Variants in RECQL4 observed in about 807,000 individuals in gnomAD.
RECQL4 encodes the protein ATP-dependent DNA helicase Q4.
In RECQL4, 158 loss-of-function variants were observed where a neutral mutation model predicts 128.6. That is an observed-to-expected ratio of 1.23 (90% CI 1.08 to 1.40). The LOEUF (loss-of-function observed/expected upper bound fraction) is 1.40. Ranked by LOEUF, RECQL4 falls within the 40% of genes most tolerant of loss-of-function variation. The pLI is 0.00. For synonymous variants in RECQL4, 996 were observed against 678.9 expected, an observed-to-expected ratio of 1.47 and a Z score of -7.26; for missense variants, 2,293 against 1,649.8, an observed-to-expected ratio of 1.39 and a Z score of -6.75.
chr8:144,517,535 C>T, intron 2 of RECQL4, 27 bp from the exon 3 acceptor site: 2 of 1,561,598 alleles, frequency 1.3e-6, no homozygotes, highest in East Asian at 2.4e-5. Flanking sequence ...GAGGCGGGGT[C>T]AGGGTGGGGC....
At chr8:144,514,384 G>A (rs749849762) in intron 10 of RECQL4, 22 bp from the exon 11 acceptor site, 23 of 1,599,536 alleles carry the variant, frequency 1.4e-5, no homozygotes, top group Non-Finnish European at 2.0e-5. Context: ...AAGATCAGAG[G>A]CACAGCCCAG....
Position 144,513,224 on chromosome 8 carries a change from C to G in RECQL4, c.2457G>C (p.Gln819His), listed in dbSNP as rs754819629. The change falls in exon 14 of 21, where the codon CAG becomes CAC. Residue 819 changes from glutamine (Q) to histidine (H), a missense_variant. Gln to His is a conservative substitution (Grantham distance 24). Transcript: ENST00000617875. ...GQPAHCHLFLQPQGEDLRELR... is the reference protein window; with the variant it reads ...GQPAHCHLFLHPQGEDLRELR... ...GGGGGGGGGGGGTGCCAACCTGGGG[C>G]TGCAGGAAGAGGTGGCAGTGGGCAG... 6.3e-7 allele frequency: 1 copy of G among 1,576,442 alleles called. No homozygotes were observed. Among genetic ancestry groups the G allele is most frequent in the Non-Finnish European group, 8.6e-7 (1 of 1,165,864 alleles).
chr8:144,513,224 C>A lies in RECQL4; in HGVS notation c.2457G>T (p.Gln819His). 1.9e-6 allele frequency: 3 copies of A among 1,576,438 alleles called. No homozygotes were observed. The highest frequency in any genetic ancestry group is 1.1e-5 in the South Asian group (1 of 89,278). Residue 819 changes from glutamine (Q) to histidine (H), a missense_variant, in exon 14 of 21, where the codon CAG (glutamine) becomes CAT (histidine). Transcript: ENST00000617875. ...GQPAHCHLFL[Q>H]PQGEDLRELR... The stretch of plus-strand genomic sequence containing the variant: ...GGGGGGGGGGGGTGCCAACCTGGGG[C>A]TGCAGGAAGAGGTGGCAGTGGGCAG...
rs374262706 is a variant in RECQL4, at chr8:144,513,658, T to C, written c.2113A>G (p.Ile705Val). ...GTGTCCTCGCGCCGGTTGCAGTAAA[T>C]GATAATGGAATCGAGGTTTTGAAAA... is the stretch of plus-strand genomic sequence containing the variant. ...KRFQNLDSII[I>V]YCNRREDTER... The change falls in exon 13 of 21, where the codon ATT becomes GTT. Residue 705 changes from isoleucine (I) to valine (V), a missense_variant. Physicochemically the swap from Ile to Val is conservative, Grantham distance 29 (BLOSUM62 3). Transcript: ENST00000617875. 7 of 1,567,882 alleles carry C rather than the reference T, an allele frequency of 4.5e-6. No individual in the cohort carries two copies. The African/African-American group carries it at 5.5e-5, about 12-fold the overall frequency.
At chr8:144,511,606 G>A in intron 20 of RECQL4, 51 bp from the exon 21 acceptor site, 1 of 1,607,778 alleles carries the variant, frequency 6.2e-7, no homozygotes, top group South Asian at 1.1e-5. Flanking sequence ...GCCTGCAGCG[G>A]GTGGAGCCTC....
Position 144,512,910 on chromosome 8 carries a change from T to G in RECQL4, c.2692A>C (p.Met898Leu). The G allele has an allele frequency of 1.3e-6, 2 of 1,587,530 alleles. No individual in the cohort carries two copies. Among genetic ancestry groups the G allele is most frequent in the East Asian group, 4.6e-5 (2 of 43,556 alleles). ...QAAPGPRRVC[M>L]GHERALPIQL... ...ATTGGGAGTGCCCGCTCATGGCCCA[T>G]GCAGACCCTTCTGGGTCCTGGGGCT... The change falls in exon 15 of 21, where the codon ATG becomes CTG. Residue 898 changes from methionine (M) to leucine (L), a missense_variant. Physicochemically the swap from Met to Leu is conservative, Grantham distance 15. Transcript: ENST00000617875.
intron 5 of RECQL4, 40 bp from the exon 6 acceptor site, chr8:144,515,930 T>C: frequency 6.2e-7 from 1 of 1,612,404 alleles, no homozygotes; most frequent in Non-Finnish European, 8.5e-7. Flanking sequence ...GGGCGGGAAA[T>C]ACGGGAGGGC....
Position 144,513,463 on chromosome 8 carries a change from TGG to T in RECQL4, c.2216_2217del (p.Thr739AsnfsTer69). The T allele has an allele frequency of 6.2e-7, 1 of 1,609,788 alleles. No individual in the cohort carries two copies. Among genetic ancestry groups the T allele is most frequent in the African/African-American group, 1.3e-5 (1 of 75,036 alleles). ...VPGSGGRAPKTTAEAYHAGMC... is the reference protein window; with the variant it reads ...VPGSGGRAPKXTAEAYHAGMC... ...ATGCCCGCGTGGTAGGCCTCGGCTGTGGTTTTGGGGGCACGACCTTTGGGGAA... is the reference window on the plus strand; with the variant it reads ...ATGCCCGCGTGGTAGGCCTCGGCTGTTTTTGGGGGCACGACCTTTGGGGAA... On this transcript the variant is annotated frameshift_variant, in exon 14 of 21. Coordinates refer to ENST00000617875, the MANE Select transcript of RECQL4 (RefSeq NM_004260.4). LOFTEE classifies it high-confidence loss of function.
At position 144,513,916 on chromosome 8, in the gene RECQL4, A is replaced by G. The variant is rs536891148; in HGVS notation, c.2058+12T>C. 4.5e-5 allele frequency: 67 copies of G among 1,490,754 alleles called. No individual in the cohort carries two copies. The highest frequency in any genetic ancestry group is 5.4e-5 in the Non-Finnish European group (60 of 1,114,602). The allele number at this position is 1,490,754 out of a possible 1,614,324, so 92.3% of individuals were successfully genotyped here. A position where few individuals can be genotyped will look rare whatever the true frequency, so the allele number is the denominator to read the frequency against. On this transcript the variant is annotated intron_variant, in intron 12 of 20. Transcript: ENST00000617875. ...CAGGGCCCTGCAGGGTCCCCAGAGC[A>G]CACACACCCACCTGGTCTGTGTCCC... is the stretch of plus-strand genomic sequence containing the variant.
intron 5 of RECQL4, 39 bp downstream of exon 5, chr8:144,515,949 G>C (rs771505880): frequency 6.2e-7 from 1 of 1,611,896 alleles, no homozygotes; most frequent in East Asian, 2.2e-5. Context: ...GCTGAGGGGA[G>C]GGAAAGGGAA....
chr8:144,513,643 G>A lies in RECQL4; in HGVS notation c.2128C>T (p.Arg710Cys), dbSNP rs750126506. 1.9e-5 allele frequency: 30 copies of A among 1,583,836 alleles called. No homozygotes were observed. Among genetic ancestry groups the A allele is most frequent in the African/African-American group, 5.4e-5 (4 of 74,310 alleles). The change falls in exon 13 of 21, where the codon CGC becomes TGC. Residue 710 changes from arginine to cysteine, a missense_variant. Arg to Cys is a radical substitution (Grantham distance 180). Coordinates refer to ENST00000617875, the MANE Select transcript of RECQL4 (RefSeq NM_004260.4). ...GCAGCGATCCGCTCTGTGTCCTCGC[G>A]CCGGTTGCAGTAAATGATAATGGAA... ...LDSIIIYCNRREDTERIAALL... is the reference protein window; with the variant it reads ...LDSIIIYCNRCEDTERIAALL...
chr8:144,517,739 G>C lies in RECQL4; in HGVS notation c.46C>G (p.Arg16Gly). ...DVRERLQAWE[R>G]AFRRQRGRRP... ...CGCCCGCGCTGCCGTCGGAACGCGCGCTCCCACGCCTGCAGCCGCTCCCGC... is the reference window on the plus strand; with the variant it reads ...CGCCCGCGCTGCCGTCGGAACGCGCCCTCCCACGCCTGCAGCCGCTCCCGC... Residue 16 changes from arginine (R) to glycine (G), a missense_variant, in exon 1 of 21, where the codon CGC becomes GGC. By Grantham distance (125) the Arg-to-Gly change is moderately radical. Coordinates refer to ENST00000617875, the MANE Select transcript of RECQL4 (RefSeq NM_004260.4). The C allele has an allele frequency of 7.4e-7, 1 of 1,347,612 alleles. No homozygotes were observed. Among genetic ancestry groups the C allele is most frequent in the African/African-American group, 1.5e-5 (1 of 65,182 alleles). 83.5% of individuals were successfully genotyped at this position (1,347,612 alleles called of 1,614,324 possible).
In RECQL4 at chr8:144,511,401, C is replaced by G. The variant is rs779775064; in HGVS notation, c.*30G>C. ...CTGCCCTAGCCTCTGACAACCCCAGCTCTACCCGACATCCCCCAATGCAGT... is the reference window on the plus strand; with the variant it reads ...CTGCCCTAGCCTCTGACAACCCCAGGTCTACCCGACATCCCCCAATGCAGT... On this transcript the variant is annotated 3_prime_UTR_variant, in exon 21 of 21. Transcript: ENST00000617875. 2 of 1,605,320 alleles carry G rather than the reference C, an allele frequency of 1.2e-6. No homozygotes were observed. Among genetic ancestry groups the G allele is most frequent in the Admixed American group, 3.3e-5 (2 of 59,918 alleles).
intron 10 of RECQL4, 36 bp downstream of exon 10, chr8:144,514,406 C>A (rs575262544): frequency 3.7e-6 from 6 of 1,602,604 alleles, no homozygotes; most frequent in Non-Finnish European, 5.1e-6. Flanking sequence ...TGCCCGCCCG[C>A]TGCCTCCCTC....
Position 144,513,353 on chromosome 8 carries a change from C to T in RECQL4, c.2328G>A (p.Met776Ile), listed in dbSNP as rs1368178192. 6.2e-6 allele frequency: 10 copies of T among 1,605,912 alleles called. No individual in the cohort carries two copies. Among genetic ancestry groups the T allele is most frequent in the Admixed American group, 1.7e-5 (1 of 59,978 alleles). ...CCCGCACATCTGGCCGGTCCAGCCCCATCCCAAAGGCCACCGTGGCCACCA... is the reference window on the plus strand; with the variant it reads ...CCCGCACATCTGGCCGGTCCAGCCCTATCCCAAAGGCCACCGTGGCCACCA... Reference protein sequence around the residue: ...RVVVATVAFGMGLDRPDVRAV... With the variant: ...RVVVATVAFGIGLDRPDVRAV... The change falls in exon 14 of 21, where the codon ATG becomes ATA. Residue 776 changes from methionine to isoleucine, a missense_variant. Met to Ile is a conservative substitution (Grantham distance 10, BLOSUM62 1). Transcript: ENST00000617875.
chr8:144,516,755 C>A lies in RECQL4; in HGVS notation c.364G>T (p.Ala122Ser), dbSNP rs750245958. The change falls in exon 5 of 21, where the codon GCC (alanine) becomes TCC (serine). Residue 122 changes from alanine (A) to serine (S), a missense_variant. Transcript: ENST00000617875. ...NLKGTLQAGPALGRRPWPLGR... is the reference protein window; with the variant it reads ...NLKGTLQAGPSLGRRPWPLGR... ...AGAGGCCACGGTCTGCGGCCCAGGG[C>A]TGGTCCGGCCTGGGAGGGGAACAAC... The A allele has an allele frequency of 6.6e-7, 1 of 1,521,496 alleles. No homozygotes were observed. The highest frequency in any genetic ancestry group is 8.8e-7 in the Non-Finnish European group (1 of 1,138,814). 94.2% of individuals were successfully genotyped at this position (1,521,496 alleles called of 1,614,324 possible). A position where few individuals can be genotyped will look rare whatever the true frequency, so the allele number is the denominator to read the frequency against.
Position 144,511,513 on chromosome 8 carries a change from C to G in RECQL4, c.3545G>C (p.Arg1182Pro), listed in dbSNP as rs557256260. 1 of 1,612,596 alleles carries G rather than the reference C, an allele frequency of 6.2e-7. No individual in the cohort carries two copies. ...CAGGTGCAGGTATTTTCTCCAGAAG[C>G]GTCGGTCCTGCCCGTACACCTGGGC... ...YPAQVYGQDR[R>P]FWRKYLHLSF... Residue 1182 changes from arginine (R) to proline (P), a missense_variant, in exon 21 of 21, where the codon CGC becomes CCC. Physicochemically the swap from Arg to Pro is moderately radical, Grantham distance 103. Coordinates refer to ENST00000617875, the MANE Select transcript of RECQL4 (RefSeq NM_004260.4).
intron 4 of RECQL4, 46 bp downstream of exon 4, chr8:144,517,004 A>T (rs1208336192): frequency 6.4e-7 from 1 of 1,573,436 alleles, no homozygotes; most frequent in East Asian, 2.3e-5. Flanking sequence ...CCGGACCGGA[A>T]GCAGCTGTGG....
rs780212446 is a variant in RECQL4 at position 144,517,045 on chromosome 8, C to A, written c.354+5G>T. On this transcript the variant is annotated splice_donor_5th_base_variant and intron_variant, in intron 4 of 20. Coordinates refer to ENST00000617875, the MANE Select transcript of RECQL4 (RefSeq NM_004260.4). ...GCGTGGACTCACTGCCTGCCCACTC[C>A]TCACCTGCAGGGTGCCTTTCAGATT... 1 of 1,607,954 alleles carries A rather than the reference C, an allele frequency of 6.2e-7. No homozygotes were observed. The highest frequency in any genetic ancestry group is 2.2e-5 in the East Asian group (1 of 44,738).
Sources: gnomAD v4.1 joint callset for allele counts on GRCh38, gnomAD v4.1.1 for gene constraint, MANE v1.5 for transcripts, NCBI Gene and HGNC (gene_info 2026-07-23, HGNC 2026-07-21) for gene names.